The following VPS45 variants were observed in gnomAD, a reference collection of about 807,000 sequenced individuals.
VPS45 encodes vacuolar protein sorting-associated protein 45.
A neutral mutation model predicts 75.9 loss-of-function variants in VPS45; 35 were observed. The observed-to-expected ratio is 0.46, with a 90% CI of 0.35 to 0.61. The LOEUF (loss-of-function observed/expected upper bound fraction) is 0.61. Ranked by LOEUF, VPS45 falls within the 20% of genes least tolerant of loss-of-function variation. The pLI is 0.00. For synonymous variants in VPS45, 220 were observed against 238.2 expected (o/e 0.92, Z 0.70); for missense variants, 559 against 685.9 (o/e 0.81, Z 2.07).
chr1:150,143,778 G>T (rs1553815953), intron 14 of VPS45, among the ~76,000 whole-genome samples: 1 of 152,136 alleles, frequency 6.6e-6, no homozygotes, highest in East Asian at 1.9e-4. Context: ...ATGCTGAAAG[G>T]CACAGAATCT....
chr1:150,087,265 TC>T (rs1656067384), intron 10 of VPS45, among the ~76,000 whole-genome samples: 1 of 152,216 alleles, frequency 6.6e-6, no homozygotes, highest in Non-Finnish European at 1.5e-5. Context: ...CTTTTCCTAT[TC>T]CTTGATTACG....
chr1:150,122,801 C>T (rs1658304573), intron 14 of VPS45, among the ~76,000 whole-genome samples: 1 of 151,794 alleles, frequency 6.6e-6, no homozygotes, highest in African/African-American at 2.4e-5. Flanking sequence ...GAGTTTGAGA[C>T]CAGCCTGGCC....
At chr1:150,068,509 T>C in intron 1 of VPS45, 121 bp from the exon 2 acceptor site, 5 of 913,344 alleles carry the variant, frequency 5.5e-6, no homozygotes, top group Non-Finnish European at 6.0e-6. Flanking sequence ...CAGTAAATGT[T>C]TTCCGTATAT....
intron 14 of VPS45, among the ~76,000 whole-genome samples, chr1:150,122,095 C>T (rs1244314201): frequency 2.6e-5 from 4 of 152,080 alleles, no homozygotes; most frequent in Admixed American, 6.6e-5. Flanking sequence ...CCAAGGCGGC[C>T]GGATCACCTG....
intron 14 of VPS45, among the ~76,000 whole-genome samples, chr1:150,116,463 TTATA>T (rs1657937920): frequency 6.6e-6 from 1 of 152,192 alleles, no homozygotes; most frequent in Non-Finnish European, 1.5e-5. Flanking sequence ...ATTATTATCT[TTATA>T]TATGGAAACT....
intron 12 of VPS45, 132 bp downstream of exon 12, chr1:150,092,541 TA>T: frequency 1.4e-6 from 1 of 692,400 alleles, no homozygotes; most frequent in South Asian, 3.3e-5. Flanking sequence ...TAAATGAAAT[TA>T]AAACTGGCAT....
intron 2 of VPS45, among the ~76,000 whole-genome samples, chr1:150,071,758 A>C (rs921744469): frequency 3.1e-4 from 46 of 146,712 alleles, no homozygotes; most frequent in Non-Finnish European, 2.7e-4. Context: ...ATTGCACTCC[A>C]GCCTGGGCAA....
At chr1:150,072,116 TCC>T (rs1553797152) in intron 2 of VPS45, 48 bp from the exon 3 acceptor site, 1 of 1,520,002 alleles carries the variant, frequency 6.6e-7, no homozygotes, top group Admixed American at 1.7e-5. Context: ...ATTACTTTTT[TCC>T]TTAAGCAACT....
At chr1:150,111,305 G>A (rs2101610505) in intron 14 of VPS45, among the ~76,000 whole-genome samples, 1 of 152,240 alleles carries the variant, frequency 6.6e-6, no homozygotes, top group East Asian at 1.9e-4. Flanking sequence ...CACATTCTAG[G>A]TAGAGTTAAC....
At chr1:150,068,814 T>G in intron 2 of VPS45, 50 bp downstream of exon 2, 1 of 1,471,004 alleles carries the variant, frequency 6.8e-7, no homozygotes, top group Non-Finnish European at 9.1e-7. Flanking sequence ...CAGAACACTC[T>G]GATCTGAAAG....
intron 3 of VPS45, among the ~76,000 whole-genome samples, chr1:150,073,626 G>A (rs1310893180): frequency 2.0e-5 from 3 of 151,882 alleles, no homozygotes; most frequent in African/African-American, 7.3e-5. Flanking sequence ...TGAAGTAATT[G>A]TAGATTCATG....
At chr1:150,071,005 T>G (rs1223760739) in intron 2 of VPS45, among the ~76,000 whole-genome samples, 1 of 152,056 alleles carries the variant, frequency 6.6e-6, no homozygotes, top group African/African-American at 2.4e-5. Flanking sequence ...TTATTTAAAT[T>G]TTTTGCCTTA....
chr1:150,079,986 A>G (rs1655610111), intron 7 of VPS45, among the ~76,000 whole-genome samples: 1 of 152,224 alleles, frequency 6.6e-6, no homozygotes, highest in Non-Finnish European at 1.5e-5. Context: ...TGTGCCACGT[A>G]CTAAACTAAG....
At chr1:150,133,286 A>G (rs1355481225) in intron 14 of VPS45, among the ~76,000 whole-genome samples, 5 of 152,068 alleles carry the variant, frequency 3.3e-5, no homozygotes, top group South Asian at 2.1e-4. Context: ...GTGGTGGCTC[A>G]CGCCTGTAAT....
intron 14 of VPS45, among the ~76,000 whole-genome samples, chr1:150,137,426 G>A (rs879996777): frequency 2.0e-5 from 3 of 152,166 alleles, no homozygotes; most frequent in Admixed American, 6.5e-5. Flanking sequence ...ACCATTAGAA[G>A]AGAATTAGGA....
chr1:150,069,974 A>G (rs1309183765), intron 2 of VPS45, among the ~76,000 whole-genome samples: 2 of 151,990 alleles, frequency 1.3e-5, no homozygotes, highest in Non-Finnish European at 2.9e-5. Context: ...CCTCATTTCG[A>G]ACCATCCCCC....
chr1:150,069,681 C>A (rs1442622979), intron 2 of VPS45, among the ~76,000 whole-genome samples: 3 of 152,076 alleles, frequency 2.0e-5, no homozygotes, highest in Non-Finnish European at 4.4e-5. Flanking sequence ...TGGTCTTGAT[C>A]TCCTGACCTC....
intron 14 of VPS45, among the ~76,000 whole-genome samples, chr1:150,125,691 AT>A (rs1165567790): frequency 1 from 148,505 of 148,546 alleles, 74,232 homozygotes; most frequent in East Asian, 1. Context: ...TTTTTTTTAT[AT>A]TTTTTAATCA....
chr1:150,099,437 C>T (rs1656845127), intron 13 of VPS45, among the ~76,000 whole-genome samples: 1 of 151,198 alleles, frequency 6.6e-6, no homozygotes, highest in Non-Finnish European at 1.5e-5. Flanking sequence ...TGGCTGAACC[C>T]GGGAGGCAAA....
Sources: allele counts gnomAD v4.1 joint callset (sites outside exome capture counted in the v4.1 genomes callset), GRCh38; gene constraint gnomAD v4.1.1; transcripts MANE v1.5; gene names NCBI Gene and HGNC (gene_info 2026-07-23, HGNC 2026-07-21).